PRKAR2A: variants seen among roughly 807,000 people sequenced by gnomAD.
The protein encoded by PRKAR2A is protein kinase cAMP-dependent type II regulatory subunit alpha.
In PRKAR2A, 29 loss-of-function variants were observed where a neutral mutation model predicts 51.9. The observed-to-expected ratio is 0.56, with a 90% CI of 0.42 to 0.76. The LOEUF is 0.76. Ranked by LOEUF, PRKAR2A falls within the 30% of genes least tolerant of loss-of-function variation. The pLI is 0.00. For missense variants in PRKAR2A, 445 were observed against 512.1 expected (o/e 0.87, Z 1.26); for synonymous variants, 178 against 186.2 (o/e 0.96, Z 0.36).
At chr3:48,816,105 T>C (rs1575922668) in intron 1 of PRKAR2A, among the ~76,000 whole-genome samples, 2 of 152,046 alleles carry the variant, frequency 1.3e-5, no homozygotes, top group African/African-American at 4.8e-5. Context: ...CTCTCCCCTG[T>C]TCCCATCTGA....
intron 2 of PRKAR2A, among the ~76,000 whole-genome samples, chr3:48,805,970 T>C (rs2082671390): frequency 6.6e-6 from 1 of 152,100 alleles, no homozygotes; most frequent in Admixed American, 6.6e-5. Flanking sequence ...ATCACTATAG[T>C]CTCCATCTCC....
chr3:48,835,650 A>G (rs2083271734), intron 1 of PRKAR2A, among the ~76,000 whole-genome samples: 1 of 151,514 alleles, frequency 6.6e-6, no homozygotes, highest in East Asian at 1.9e-4. Flanking sequence ...AAAAAAAAAA[A>G]AAAAAAAAGC....
intron 2 of PRKAR2A, among the ~76,000 whole-genome samples, chr3:48,800,765 C>G (rs967191337): frequency 2.6e-4 from 39 of 152,026 alleles, no homozygotes; most frequent in Admixed American, 5.2e-4. Context: ...GCTCCACCTC[C>G]CGGGTTCACG....
chr3:48,823,208 T>C (rs1380257314), intron 1 of PRKAR2A, among the ~76,000 whole-genome samples: 1 of 152,012 alleles, frequency 6.6e-6, no homozygotes, highest in Non-Finnish European at 1.5e-5. Flanking sequence ...GCCTGGCCCT[T>C]CAAGTGACTT....
intron 5 of PRKAR2A, 88 bp downstream of exon 5, chr3:48,782,898 G>T: frequency 1.0e-6 from 1 of 971,380 alleles, no homozygotes; most frequent in Non-Finnish European, 1.6e-6. Context: ...AGCCTCTCTG[G>T]GCTGAATACA....
intron 1 of PRKAR2A, 109 bp from the exon 2 acceptor site, chr3:48,807,793 A>G: frequency 1.2e-6 from 1 of 805,830 alleles, no homozygotes. Context: ...CTCAAAACCA[A>G]GCAGTGGGTC....
chr3:48,794,149 C>G, intron 2 of PRKAR2A, 100 bp from the exon 3 acceptor site: 1 of 877,570 alleles, frequency 1.1e-6, no homozygotes, highest in Non-Finnish European at 1.7e-6. Flanking sequence ...TCACTGTTTT[C>G]TTTTCTTTTT....
intron 1 of PRKAR2A, among the ~76,000 whole-genome samples, chr3:48,840,838 AGTGCTGG>A (rs1483239553): frequency 7.1e-6 from 1 of 141,670 alleles, no homozygotes; most frequent in Non-Finnish European, 1.5e-5. Context: ...GGCCTCCCAA[AGTGCTGG>A]GATTACAGGC....
chr3:48,744,925 A>G (rs1280612219), downstream of PRKAR2A, among the ~76,000 whole-genome samples: 4 of 150,474 alleles, frequency 2.7e-5, no homozygotes, highest in African/African-American at 9.8e-5. Flanking sequence ...CCCAGGCTGG[A>G]GTGCAGTGGC....
chr3:48,775,720 T>C (rs1440626856), intron 5 of PRKAR2A, among the ~76,000 whole-genome samples: 1 of 152,046 alleles, frequency 6.6e-6, no homozygotes, highest in African/African-American at 2.4e-5. Context: ...CACCAGGTAA[T>C]ATTTATAATA....
intron 2 of PRKAR2A, among the ~76,000 whole-genome samples, chr3:48,807,171 A>AG (rs2082686908): frequency 6.6e-6 from 1 of 152,174 alleles, no homozygotes; most frequent in Non-Finnish European, 1.5e-5. Context: ...GGTGGAAAAG[A>AG]GGCAGGTACA....
At chr3:48,837,901 G>A (rs754333689) in intron 1 of PRKAR2A, among the ~76,000 whole-genome samples, 10 of 152,272 alleles carry the variant, frequency 6.6e-5, no homozygotes, top group Non-Finnish European at 1.2e-4. Flanking sequence ...CATATTGGCT[G>A]GGCACGGTGG....
intron 6 of PRKAR2A, among the ~76,000 whole-genome samples, chr3:48,768,412 A>C (rs1264147857): frequency 1.3e-5 from 2 of 151,546 alleles, no homozygotes; most frequent in South Asian, 2.1e-4. Context: ...TAGATAAAAT[A>C]AAAGGCCTGG....
At chr3:48,819,396 A>G (rs951695995) in intron 1 of PRKAR2A, among the ~76,000 whole-genome samples, 7 of 152,140 alleles carry the variant, frequency 4.6e-5, no homozygotes, top group Non-Finnish European at 7.3e-5. Context: ...GCATCATCAC[A>G]TATACCCTTC....
chr3:48,847,215 A>C lies in PRKAR2A; in HGVS notation c.262+120T>G, dbSNP rs879147509. On this transcript the variant is annotated intron_variant, in intron 1 of 10. Coordinates refer to ENST00000265563, the MANE Select transcript of PRKAR2A (RefSeq NM_004157.4). This position sits in a 1 kb window ranked among gnomAD's most constrained non-coding sequence, Gnocchi z 4.4. ...AGGGAAACGCTAGAAACGCGGCTAC[A>C]GAGCTCCCAATCCCAGCCTGCGGTC... 131 of 1,274,762 alleles carry C rather than the reference A, an allele frequency of 1.0e-4. No individual in the cohort carries two copies. Among genetic ancestry groups the C allele is most frequent in the South Asian group, 3.9e-4 (26 of 66,146 alleles). The allele number at this position is 1,274,762 out of a possible 1,614,324, so 79.0% of individuals were successfully genotyped here. A position where few individuals can be genotyped will look rare whatever the true frequency, so the allele number is the denominator to read the frequency against.
intron 2 of PRKAR2A, among the ~76,000 whole-genome samples, 195 bp from the exon 3 acceptor site, chr3:48,794,244 C>G (rs1477950599): frequency 6.6e-6 from 1 of 151,346 alleles, no homozygotes; most frequent in Non-Finnish European, 1.5e-5. Flanking sequence ...CTCCATCTCC[C>G]AGGTTCAAGC....
At chr3:48,809,411 T>C (rs2082733558) in intron 1 of PRKAR2A, among the ~76,000 whole-genome samples, 1 of 151,346 alleles carries the variant, frequency 6.6e-6, no homozygotes, top group Admixed American at 6.6e-5. Flanking sequence ...GCAAACATGG[T>C]GAAACCCTGT....
intron 1 of PRKAR2A, among the ~76,000 whole-genome samples, chr3:48,838,917 G>A (rs975320150): frequency 6.6e-6 from 1 of 151,820 alleles, no homozygotes; most frequent in Non-Finnish European, 1.5e-5. Flanking sequence ...CTGGGAGGTG[G>A]AGCTTGCAGT....
intron 1 of PRKAR2A, among the ~76,000 whole-genome samples, chr3:48,832,668 AT>A (rs904990702): frequency 1.8e-4 from 27 of 150,478 alleles, no homozygotes; most frequent in South Asian, 1.1e-3. Context: ...TTACAAAACG[AT>A]TTTTTTTTTA....
Sources: allele counts gnomAD v4.1 joint callset (sites outside exome capture counted in the v4.1 genomes callset), GRCh38; gene constraint gnomAD v4.1.1; non-coding constraint Gnocchi (gnomAD v3.1); transcripts MANE v1.5; gene names NCBI Gene and HGNC (gene_info 2026-07-23, HGNC 2026-07-21).